Variants in USH2A observed in about 807,000 individuals in gnomAD.
USH2A encodes usherin, also known as Usher syndrome 2A (autosomal recessive, mild).
USH2A carries 443 observed loss-of-function variants against 538.9 expected under a neutral mutation model. That is an observed-to-expected ratio of 0.82 (90% CI 0.76 to 0.89). USH2A has a LOEUF of 0.89. Ranked by LOEUF, USH2A falls within the 40% of genes least tolerant of loss-of-function variation. USH2A has a pLI of 0.00. For missense variants in USH2A, 6,633 were observed against 6,324.8 expected (o/e 1.05, Z -1.65); for synonymous variants, 2,413 against 2,273.5 (o/e 1.06, Z -1.75).
In USH2A at chr1:215,660,648, T is replaced by C. The variant is rs1657410925; in HGVS notation, c.14134-9847A>G. On this transcript the variant is annotated intron_variant, in intron 64 of 71. Transcript: ENST00000307340. The stretch of plus-strand genomic sequence containing the variant: ...ATTGGATGGCTTCTCTACTTTGTTT[T>C]ATAATTAGTTAAAATTTCTCAAAAA... Among the ~76,000 whole-genome samples the C allele has an allele frequency of 2.0e-5, 3 of 152,214 alleles. No homozygotes were observed. In the South Asian group the frequency reaches 6.2e-4, roughly 32 times the overall value.
chr1:216,255,205 A>G (rs2036237045), intron 11 of USH2A, among the ~76,000 whole-genome samples: 1 of 152,222 alleles, frequency 6.6e-6, no homozygotes, highest in East Asian at 1.9e-4. Context: ...GCTTTCAGCC[A>G]CAAGAGCAGA....
intron 4 of USH2A, among the ~76,000 whole-genome samples, chr1:216,345,280 C>T (rs1355854374): frequency 3.3e-5 from 5 of 152,120 alleles, no homozygotes; most frequent in Admixed American, 2.6e-4. Flanking sequence ...AGGGTCCAAC[C>T]AGGGGCAAAT....
chr1:215,856,909 A>C (rs145628363), intron 44 of USH2A, among the ~76,000 whole-genome samples: 55 of 151,640 alleles, frequency 3.6e-4, no homozygotes, highest in African/African-American at 1.2e-3. Flanking sequence ...AAATAATGGC[A>C]TTTGCAGAAA....
In USH2A at chr1:215,758,050, G is replaced by A. The variant is rs376660877; in HGVS notation, c.11389+545C>T. On this transcript the variant is annotated intron_variant, in intron 58 of 71. Transcript: ENST00000307340. Reference sequence around the variant, plus strand: ...TGTAATCCCAGCACTTTGGGAGGCTGAGGCGGGTGAATTACCTGAGGTCTG... The same window carrying A: ...TGTAATCCCAGCACTTTGGGAGGCTAAGGCGGGTGAATTACCTGAGGTCTG... Among the ~76,000 whole-genome samples, 6 of 152,280 alleles carry A rather than the reference G, an allele frequency of 3.9e-5. No individual in the cohort carries two copies. The South Asian group carries it at 1.0e-3, about 26-fold the overall frequency.
intron 4 of USH2A, among the ~76,000 whole-genome samples, chr1:216,351,783 G>A (rs1267259744): frequency 1.3e-5 from 2 of 151,742 alleles, no homozygotes; most frequent in South Asian, 2.1e-4. Flanking sequence ...GAAGTGCTAA[G>A]AAGGATTCAA....
At chr1:215,931,964 G>C (rs2102497347) in intron 38 of USH2A, among the ~76,000 whole-genome samples, 1 of 152,034 alleles carries the variant, frequency 6.6e-6, no homozygotes, top group African/African-American at 2.4e-5. Context: ...GATTTGGCCA[G>C]ATTAAACGGG....
intron 11 of USH2A, among the ~76,000 whole-genome samples, chr1:216,263,294 G>C (rs765564015): frequency 2.0e-5 from 3 of 152,044 alleles, no homozygotes; most frequent in Non-Finnish European, 4.4e-5. Context: ...GCATTACCCT[G>C]ATAGCAAAAC....
At position 216,148,407 on chromosome 1, in the gene USH2A, A is replaced by G. The variant is rs1357820743; in HGVS notation, c.4627+26845T>C. Among the ~76,000 whole-genome samples the G allele has an allele frequency of 8.4e-4, 127 of 150,892 alleles. 1 individual carries two copies. Among genetic ancestry groups the G allele is most frequent in the African/African-American group, 2.5e-3 (102 of 41,116 alleles). On this transcript the variant is annotated intron_variant, in intron 21 of 71. Coordinates refer to ENST00000307340, the MANE Select transcript of USH2A (RefSeq NM_206933.4). ...CTTCCCAATCCAAAGCCTCCTTTGC[A>G]TCCTCCTCTTCTATCCCCCCACCTT...
Position 216,097,103 on chromosome 1 carries a change from A to G in USH2A, c.4738T>C (p.Tyr1580His). 1.9e-6 allele frequency: 3 copies of G among 1,614,088 alleles called. No individual in the cohort carries two copies. In the South Asian group the frequency reaches 3.3e-5, roughly 18 times the overall value. ...FALQLKKGRL[Y>H]FLFDPQGSPV... ...TTTACCTGAGGATCAAAAAGAAAAT[A>G]AAGACGTCCCTTCTTCAACTGAAGT... Residue 1580 changes from tyrosine (Y) to histidine (H), a missense_variant, in exon 22 of 72, where the codon TAT (tyrosine) becomes CAT (histidine). Coordinates refer to ENST00000307340, the MANE Select transcript of USH2A (RefSeq NM_206933.4).
chr1:216,046,502 A>G lies in USH2A; in HGVS notation c.6254T>C (p.Ile2085Thr). The change falls in exon 32 of 72, where the codon ATA becomes ACA. Residue 2085 changes from isoleucine (I) to threonine (T), a missense_variant. Ile to Thr is a moderately conservative substitution (Grantham distance 89). Transcript: ENST00000307340. ...WNPPKKANGI[I>T]TQYCLYMDGR... Reference sequence around the variant, plus strand: ...ATCCATGTATAAACAGTACTGAGTTATAATACCATTTGCCTTTTTGGGTGG... The same window carrying G: ...ATCCATGTATAAACAGTACTGAGTTGTAATACCATTTGCCTTTTTGGGTGG... 1 of 1,613,936 alleles carries G rather than the reference A, an allele frequency of 6.2e-7. No homozygotes were observed. The highest frequency in any genetic ancestry group is 1.1e-5 in the South Asian group (1 of 91,074).
At chr1:215,684,684 T>C (rs2102675804) in intron 61 of USH2A, among the ~76,000 whole-genome samples, 1 of 152,296 alleles carries the variant, frequency 6.6e-6, no homozygotes, top group South Asian at 2.1e-4. Context: ...TTGGAAAGGG[T>C]TAATCTTCCT....
Position 215,838,096 on chromosome 1 carries a change from A to T in USH2A, c.9266T>A (p.Val3089Asp). 3.1e-6 allele frequency: 5 copies of T among 1,613,428 alleles called. No homozygotes were observed. The highest frequency in any genetic ancestry group is 4.2e-6 in the Non-Finnish European group (5 of 1,179,386). Reference protein sequence around the residue: ...PFTIYDIQVEVCTIYACVKSN... With the variant: ...PFTIYDIQVEDCTIYACVKSN... Reference sequence around the variant, plus strand: ...TTTCACGCAGGCATATATTGTGCAGACTTCAACCTGCAAACATTAGTTTAG... The same window carrying T: ...TTTCACGCAGGCATATATTGTGCAGTCTTCAACCTGCAAACATTAGTTTAG... The change falls in exon 47 of 72, where the codon GTC becomes GAC. Residue 3089 changes from valine (V) to aspartate (D), a missense_variant. By Grantham distance (152) the Val-to-Asp change is radical (BLOSUM62 -3). Transcript: ENST00000307340.
chr1:216,213,727 T>G (rs933051919), intron 15 of USH2A, among the ~76,000 whole-genome samples: 1 of 151,898 alleles, frequency 6.6e-6, no homozygotes, highest in African/African-American at 2.4e-5. Flanking sequence ...AAGGAAAAGC[T>G]TGGTAAATTG....
At chr1:216,416,352 CTA>C (rs1405431436) in intron 3 of USH2A, among the ~76,000 whole-genome samples, 1 of 151,992 alleles carries the variant, frequency 6.6e-6, no homozygotes. Context: ...TTAATAAGTG[CTA>C]GATGATTAAA....
At chr1:216,034,173 G>T (rs1233187424) in intron 32 of USH2A, among the ~76,000 whole-genome samples, 1 of 152,140 alleles carries the variant, frequency 6.6e-6, no homozygotes, top group Non-Finnish European at 1.5e-5. Flanking sequence ...ACCAACATTT[G>T]TGCGTGGAAG....
At chr1:215,832,798 C>T (rs769395004) in intron 47 of USH2A, among the ~76,000 whole-genome samples, 2 of 151,850 alleles carry the variant, frequency 1.3e-5, no homozygotes. Flanking sequence ...TAAACAGTTT[C>T]TCTTTGTAGA....
chr1:216,236,103 T>C (rs1399761552), intron 13 of USH2A, among the ~76,000 whole-genome samples: 2 of 152,162 alleles, frequency 1.3e-5, no homozygotes, highest in Non-Finnish European at 2.9e-5. Context: ...AGTGAATACA[T>C]AAATATTAAT....
intron 61 of USH2A, among the ~76,000 whole-genome samples, chr1:215,684,056 C>A (rs1418696): frequency 0.74 from 112,338 of 152,086 alleles, 41,848 homozygotes; most frequent in East Asian, 0.9. Flanking sequence ...ATAATCCATT[C>A]TTTGCAATCT....
intron 43 of USH2A, 88 bp from the exon 44 acceptor site, chr1:215,867,258 C>T: frequency 7.0e-7 from 1 of 1,433,820 alleles, no homozygotes; most frequent in Non-Finnish European, 9.6e-7. Flanking sequence ...TCACAAAATA[C>T]AGGATTTCCT....
Sources: allele counts gnomAD v4.1 joint callset (sites outside exome capture counted in the v4.1 genomes callset), GRCh38; gene constraint gnomAD v4.1.1; transcripts MANE v1.5; gene names NCBI Gene and HGNC (gene_info 2026-07-23, HGNC 2026-07-21).